The following WDPCP variants were observed in gnomAD, a reference collection of about 807,000 sequenced individuals.
WDPCP encodes WD repeat containing planar cell polarity effector.
Under a neutral mutation model 93.1 loss-of-function variants are expected in WDPCP, and 71 were observed. The observed-to-expected ratio is 0.76, with a 90% CI of 0.63 to 0.93. The LOEUF is 0.93. Among genes scored for constraint, WDPCP ranks in the 40% least tolerant of loss-of-function variants. The pLI, the probability that WDPCP is intolerant of heterozygous loss-of-function variation, is 0.00. For synonymous variants in WDPCP, 315 were observed against 315.0 expected, an observed-to-expected ratio of 1.00 and a Z score of 0.00; for missense variants, 844 against 887.4, an observed-to-expected ratio of 0.95 and a Z score of 0.62.
In WDPCP at chr2:63,292,128, G is replaced by A. The variant is rs560651832; in HGVS notation, c.1812+21120C>T. Among the ~76,000 whole-genome samples, 553 of 100,886 alleles carry A rather than the reference G, an allele frequency of 5.5e-3. 2 individuals are homozygous for A. Among genetic ancestry groups the A allele is most frequent in the Admixed American group, 8.7e-3 (92 of 10,562 alleles). 66.2% of individuals were successfully genotyped at this position (100,886 alleles called of 152,430 possible). A position where few individuals can be genotyped will look rare whatever the true frequency, so the allele number is the denominator to read the frequency against. On this transcript the variant is annotated intron_variant, in intron 13 of 17. Transcript: ENST00000272321. Reference sequence around the variant, plus strand: ...AGCCTGGGCGACAGAGCAAGACTCCGGCTCAAAAAAAAAAAAAAAAAAAGA... The same window carrying A: ...AGCCTGGGCGACAGAGCAAGACTCCAGCTCAAAAAAAAAAAAAAAAAAAGA...
intron 2 of WDPCP, among the ~76,000 whole-genome samples, chr2:63,713,776 A>G (rs1669293979): frequency 6.6e-6 from 1 of 152,204 alleles, no homozygotes. Context: ...TGGCTTCTTC[A>G]TTTAAACCAA....
chr2:63,454,034 A>G (rs986295015), intron 6 of WDPCP, among the ~76,000 whole-genome samples: 1 of 151,884 alleles, frequency 6.6e-6, no homozygotes. Context: ...GCAGCACACC[A>G]ATATGGCACA....
rs953073688 is a variant in WDPCP at position 63,737,856 on chromosome 2, G to A, written n.308+75766C>T. On this transcript the variant is annotated intron_variant and non_coding_transcript_variant, in intron 2 of 4. Transcript: ENST00000467687. ...ATTGGCAGCCTGTAGGCTGAATCTG[G>A]CCAGATGATTTTTTTTTAAGCACAC... 5.3e-5 allele frequency among the ~76,000 whole-genome samples: 8 copies of A among 152,120 alleles called. No individual in the cohort carries two copies. The South Asian group carries it at 8.3e-4, about 16-fold the overall frequency.
chr2:63,181,895 C>T (rs1183699922), intron 14 of WDPCP, among the ~76,000 whole-genome samples: 2 of 151,200 alleles, frequency 1.3e-5, no homozygotes, highest in African/African-American at 2.4e-5. Flanking sequence ...GATCTTTCAC[C>T]CCCTTGTTTA....
chr2:63,826,223 C>T (rs1344309128), intron 1 of WDPCP, among the ~76,000 whole-genome samples: 1 of 151,830 alleles, frequency 6.6e-6, no homozygotes, highest in African/African-American at 2.4e-5. Context: ...ATACTGTATC[C>T]TATTTTTTCT....
intron 14 of WDPCP, among the ~76,000 whole-genome samples, chr2:63,253,047 G>C (rs1175788677): frequency 2.0e-5 from 3 of 151,988 alleles, no homozygotes; most frequent in Non-Finnish European, 4.4e-5. Context: ...AAACAACATA[G>C]TAGTAGTACA....
chr2:63,317,408 CA>C (rs35537195), intron 12 of WDPCP, among the ~76,000 whole-genome samples: 29 of 134,990 alleles, frequency 2.1e-4, no homozygotes, highest in Non-Finnish European at 2.5e-4. Context: ...AACTACATCT[CA>C]AAAAAAAAAA....
chr2:63,502,360 A>G (rs1701612430), intron 1 of WDPCP, among the ~76,000 whole-genome samples: 2 of 152,216 alleles, frequency 1.3e-5, no homozygotes, highest in Admixed American at 1.3e-4. Context: ...AACCATGAAA[A>G]TATACATACA....
At chr2:63,569,981 G>A (rs1707360591) in intron 1 of WDPCP, among the ~76,000 whole-genome samples, 2 of 152,120 alleles carry the variant, frequency 1.3e-5, no homozygotes, top group African/African-American at 4.8e-5. Context: ...TTAAGGATGT[G>A]GTTGAATGAC....
chr2:63,313,301 A>G lies in WDPCP; in HGVS notation c.1759T>C (p.Phe587Leu). 6.2e-7 allele frequency: 1 copy of G among 1,613,530 alleles called. No individual in the cohort carries two copies. ...FFHHLLRYQR[F>L]EKAFLLAVDV... ...ACAGCTAGGAGAAATGCCTTTTCAAACCTCTGGTACCTACAAGGCAGAAAA... is the reference window on the plus strand; with the variant it reads ...ACAGCTAGGAGAAATGCCTTTTCAAGCCTCTGGTACCTACAAGGCAGAAAA... The change falls in exon 13 of 18, where the codon TTT becomes CTT. Residue 587 changes from phenylalanine to leucine, a missense_variant. Physicochemically the swap from Phe to Leu is conservative, Grantham distance 22. Coordinates refer to ENST00000272321, the MANE Select transcript of WDPCP (RefSeq NM_015910.7).
At chr2:63,164,710 G>C (rs528169757) in intron 15 of WDPCP, among the ~76,000 whole-genome samples, 1 of 152,120 alleles carries the variant, frequency 6.6e-6, no homozygotes, top group Non-Finnish European at 1.5e-5. Flanking sequence ...AATGTTTAAG[G>C]CTTTATTACA....
chr2:63,430,597 T>C (rs1053214579), intron 9 of WDPCP, among the ~76,000 whole-genome samples: 2 of 152,220 alleles, frequency 1.3e-5, no homozygotes, highest in Non-Finnish European at 2.9e-5. Flanking sequence ...AGATATGGAC[T>C]GTTGGGCTGG....
intron 6 of WDPCP, among the ~76,000 whole-genome samples, chr2:63,446,565 C>G (rs192634076): frequency 2.0e-5 from 3 of 152,152 alleles, no homozygotes; most frequent in Non-Finnish European, 4.4e-5. Context: ...CAATCCTTTT[C>G]TCACATAAAG....
chr2:63,567,205 G>A (rs1462246825), intron 1 of WDPCP, among the ~76,000 whole-genome samples: 1 of 152,194 alleles, frequency 6.6e-6, no homozygotes, highest in East Asian at 1.9e-4. Flanking sequence ...TCAACCTCTA[G>A]CCCCTCTCCC....
At chr2:63,758,654 A>G (rs1670005169) in intron 2 of WDPCP, among the ~76,000 whole-genome samples, 1 of 152,086 alleles carries the variant, frequency 6.6e-6, no homozygotes, top group South Asian at 2.1e-4. Flanking sequence ...TGCCCAGGCT[A>G]GTCTCAAACT....
intron 2 of WDPCP, among the ~76,000 whole-genome samples, chr2:63,670,290 G>A (rs1157987920): frequency 6.6e-6 from 1 of 152,184 alleles, no homozygotes; most frequent in Non-Finnish European, 1.5e-5. Flanking sequence ...TTGCTACACA[G>A]CCAGTGCTGT....
intron 12 of WDPCP, among the ~76,000 whole-genome samples, chr2:63,319,768 G>T (rs1276866739): frequency 1.3e-5 from 2 of 152,146 alleles, no homozygotes; most frequent in Non-Finnish European, 2.9e-5. Context: ...CACTGTGCCT[G>T]GCCCAGAGAA....
intron 1 of WDPCP, among the ~76,000 whole-genome samples, chr2:63,535,174 AAGG>A (rs1335691463): frequency 2.6e-5 from 4 of 152,246 alleles, no homozygotes; most frequent in Non-Finnish European, 2.9e-5. Flanking sequence ...GGACCTCTTC[AAGG>A]AGAACTACAA....
intron 9 of WDPCP, among the ~76,000 whole-genome samples, chr2:63,419,256 C>T (rs1695663285): frequency 1.3e-5 from 2 of 152,156 alleles, no homozygotes; most frequent in Non-Finnish European, 2.9e-5. Context: ...AATTCTCTGC[C>T]TCAGCCTCCC....
Sources: gnomAD v4.1 joint callset for allele counts (sites outside exome capture counted in the v4.1 genomes callset) on GRCh38, gnomAD v4.1.1 for gene constraint, MANE v1.5 for transcripts, NCBI Gene and HGNC (gene_info 2026-07-23, HGNC 2026-07-21) for gene names.